DHRSX: variants seen among roughly 807,000 people sequenced by gnomAD.
The protein encoded by DHRSX is dehydrogenase/reductase X-linked.
DHRSX carries 31 observed loss-of-function variants against 34.0 expected under a neutral mutation model. That is an observed-to-expected ratio of 0.91 (90% CI 0.69 to 1.23). The LOEUF is 1.23. Among genes scored for constraint, DHRSX ranks in the 50% most tolerant of loss-of-function variants. The pLI is 0.00. For missense variants in DHRSX, 414 were observed against 428.1 expected (o/e 0.97, Z 0.29); for synonymous variants, 201 against 183.8 (o/e 1.09, Z -0.76).
At chrX:2,393,767 T>C (rs1401854759) in intron 3 of DHRSX, among the ~76,000 whole-genome samples, 1 of 77,118 alleles carries the variant, frequency 1.3e-5, no homozygotes, top group African/African-American at 5.2e-5. Context: ...CCCCATCTCC[T>C]GGGCACACAA....
chrX:2,271,384 C>T (rs1284786290), intron 4 of DHRSX, among the ~76,000 whole-genome samples: 1 of 152,208 alleles, frequency 6.6e-6, no homozygotes, highest in Non-Finnish European at 1.5e-5. Flanking sequence ...GGGAGAGGCA[C>T]CACCATGCCA....
chrX:2,239,603 A>T (rs1021117003), intron 6 of DHRSX, among the ~76,000 whole-genome samples: 1 of 150,880 alleles, frequency 6.6e-6, no homozygotes, highest in South Asian at 2.1e-4. Context: ...AAAAAAAAAT[A>T]AAAAATAAAA....
chrX:2,272,639 G>A (rs2041572629), intron 4 of DHRSX, among the ~76,000 whole-genome samples: 2 of 152,078 alleles, frequency 1.3e-5, no homozygotes, highest in South Asian at 4.1e-4. Context: ...AGCACCTTCA[G>A]CCTGACATGC....
chrX:2,364,421 G>A (rs926578872), intron 3 of DHRSX, among the ~76,000 whole-genome samples: 9 of 152,182 alleles, frequency 5.9e-5, no homozygotes, highest in Non-Finnish European at 1.0e-4. Context: ...TACTGCCAAG[G>A]TTGACAAAGC....
chrX:2,288,117 T>C (rs2041826201), intron 4 of DHRSX, among the ~76,000 whole-genome samples: 1 of 97,518 alleles, frequency 1.0e-5, no homozygotes, highest in Admixed American at 1.0e-4. Flanking sequence ...CAAAAGTAAG[T>C]GAAGGAGATA....
At chrX:2,226,794 CA>C (rs747462270) in intron 6 of DHRSX, among the ~76,000 whole-genome samples, 7 of 142,140 alleles carry the variant, frequency 4.9e-5, no homozygotes, top group Admixed American at 7.1e-5. Flanking sequence ...GATGCCATCT[CA>C]AAAAAAAAAG....
At chrX:2,262,806 C>A (rs1292842834) in intron 5 of DHRSX, among the ~76,000 whole-genome samples, 1 of 144,764 alleles carries the variant, frequency 6.9e-6, no homozygotes, top group African/African-American at 2.6e-5. Flanking sequence ...AGGATCCCAT[C>A]GAGGCCGACT....
At chrX:2,430,838 C>A (rs1234782221) in intron 1 of DHRSX, among the ~76,000 whole-genome samples, 1 of 151,704 alleles carries the variant, frequency 6.6e-6, no homozygotes, top group Non-Finnish European at 1.5e-5. Flanking sequence ...CATAGTGAAG[C>A]CCCATTGCTA....
intron 3 of DHRSX, among the ~76,000 whole-genome samples, chrX:2,317,250 GCC>G: frequency 1.4e-4 from 9 of 63,040 alleles, no homozygotes; most frequent in African/African-American, 3.8e-4. Flanking sequence ...GAGCCACCGC[GCC>G]TGGCTTTTTT....
At chrX:2,362,761 G>T (rs55651051) in intron 3 of DHRSX, among the ~76,000 whole-genome samples, 3,131 of 74,924 alleles carry the variant, frequency 0.042, 294 homozygotes, top group Non-Finnish European at 0.078. Flanking sequence ...GTATCATGCC[G>T]CCATTTTATC....
intron 3 of DHRSX, among the ~76,000 whole-genome samples, chrX:2,403,900 A>G (rs1346014835): frequency 6.6e-6 from 1 of 152,094 alleles, no homozygotes; most frequent in African/African-American, 2.4e-5. Context: ...CATGTTGTCT[A>G]AATCTGAAAC....
rs768373190 is a variant in DHRSX at position 2,270,270 on chromosome X, G to A, written c.389-3323C>T. Among the ~76,000 whole-genome samples, 16 of 152,064 alleles carry A rather than the reference G, an allele frequency of 1.1e-4. No homozygotes were observed. The South Asian group carries it at 1.7e-3, about 16-fold the overall frequency. ...TCAAAACCAAAGCTGGCTCCTCGCC[G>A]GCTCAGCATTCCCAAAGAACCAAGC... On this transcript the variant is annotated intron_variant, in intron 4 of 6. Transcript: ENST00000334651.
chrX:2,272,179 T>C (rs191792953), intron 4 of DHRSX, among the ~76,000 whole-genome samples: 1 of 152,272 alleles, frequency 6.6e-6, no homozygotes, highest in African/African-American at 2.4e-5. Context: ...CAGAATAGGT[T>C]GCTGTGGGTG....
chrX:2,249,513 CTT>C (rs753035485), intron 5 of DHRSX, among the ~76,000 whole-genome samples: 46 of 70,186 alleles, frequency 6.6e-4, no homozygotes, highest in Non-Finnish European at 9.3e-4. Flanking sequence ...CTTTTTGTGC[CTT>C]TTTTTTTTTT....
intron 3 of DHRSX, among the ~76,000 whole-genome samples, chrX:2,377,243 T>A (rs1332080979): frequency 2.6e-5 from 4 of 151,790 alleles, no homozygotes; most frequent in African/African-American, 9.7e-5. Flanking sequence ...TGCACTTTAT[T>A]TCTATGATGA....
At chrX:2,405,953 C>T (rs2124635047) in intron 3 of DHRSX, among the ~76,000 whole-genome samples, 1 of 149,304 alleles carries the variant, frequency 6.7e-6, no homozygotes, top group East Asian at 2.0e-4. Context: ...CCGAGAAAAG[C>T]ACTTAGCATT....
intron 3 of DHRSX, among the ~76,000 whole-genome samples, chrX:2,322,940 T>C (rs948667725): frequency 2.6e-5 from 4 of 152,004 alleles, no homozygotes; most frequent in Admixed American, 1.3e-4. Flanking sequence ...GTTGTTGTTT[T>C]TGAGATGGAA....
Position 2,231,710 on chromosome X carries a change from C to T in DHRSX, c.805-10481G>A, listed in dbSNP as rs1602764001. ...CTTCTTGCCTTTTCACTCTCTATTC[C>T]TCTTTTTTTCTCCTCCATCTTCTCT... On this transcript the variant is annotated intron_variant, in intron 6 of 6. Coordinates refer to ENST00000334651, the MANE Select transcript of DHRSX (RefSeq NM_145177.3). 2.0e-5 allele frequency among the ~76,000 whole-genome samples: 3 copies of T among 148,080 alleles called. No homozygotes were observed. In the South Asian group the frequency reaches 6.3e-4, roughly 31 times the overall value.
chrX:2,356,701 C>A (rs906979805), intron 3 of DHRSX, among the ~76,000 whole-genome samples: 1 of 152,146 alleles, frequency 6.6e-6, no homozygotes, highest in Non-Finnish European at 1.5e-5. Flanking sequence ...TCAGCCTCCT[C>A]CATGTGAAGA....
Sources: gnomAD v4.1 joint callset for allele counts (sites outside exome capture counted in the v4.1 genomes callset) on GRCh38, gnomAD v4.1.1 for gene constraint, MANE v1.5 for transcripts, NCBI Gene and HGNC (gene_info 2026-07-23, HGNC 2026-07-21) for gene names.